The following SH3BGR variants were observed in gnomAD, a reference collection of about 807,000 sequenced individuals.
SH3BGR encodes the protein SH3 domain binding glutamate rich protein.
In SH3BGR, 29 loss-of-function variants were observed where a neutral mutation model predicts 24.5. The ratio of observed to expected loss-of-function variants is 1.18; its 90% CI spans 0.88 to 1.61. The LOEUF is 1.61. Ranked by LOEUF, SH3BGR falls within the 40% of genes most tolerant of loss-of-function variation. The pLI is 0.00. For missense variants in SH3BGR, 162 were observed against 205.8 expected, an observed-to-expected ratio of 0.79 and a Z score of 1.30; for synonymous variants, 55 against 65.7, an observed-to-expected ratio of 0.84 and a Z score of 0.79.
chr21:39,493,277 C>T (rs1441651157), intron 3 of SH3BGR, among the ~76,000 whole-genome samples: 1 of 152,184 alleles, frequency 6.6e-6, no homozygotes, highest in African/African-American at 2.4e-5. Flanking sequence ...CATGATCCAT[C>T]TTGAGTTGAT....
In SH3BGR at chr21:39,511,096, GA is replaced by G. The variant is rs2078684475; in HGVS notation, c.436-583del. Among the ~76,000 whole-genome samples the G allele has an allele frequency of 8.6e-6, 1 of 115,854 alleles. No homozygotes were observed. The highest frequency in any genetic ancestry group is 2.5e-5 in the African/African-American group (1 of 39,898). 76.0% of individuals were successfully genotyped at this position (115,854 alleles called of 152,430 possible). ...TTGAGGACTCTGTGTTTAGAAGGAT[GA>G]TTTTTTTTATGTGTGTGTATGTATG... is the stretch of plus-strand genomic sequence containing the variant. On this transcript the variant is annotated intron_variant, in intron 5 of 6. Coordinates refer to ENST00000333634, the MANE Select transcript of SH3BGR (RefSeq NM_007341.3). This position sits in a 1 kb window ranked among gnomAD's most constrained non-coding sequence, Gnocchi z 4.2.
chr21:39,502,135 T>C (rs2078505467), intron 4 of SH3BGR, among the ~76,000 whole-genome samples: 1 of 152,220 alleles, frequency 6.6e-6, no homozygotes, highest in African/African-American at 2.4e-5. Context: ...ATCGTGCCAC[T>C]GCACTCCAGT....
intron 4 of SH3BGR, among the ~76,000 whole-genome samples, chr21:39,508,087 T>G (rs957557937): frequency 1.2e-4 from 18 of 152,234 alleles, no homozygotes; most frequent in Admixed American, 7.9e-4. Context: ...GTGGCCTCAG[T>G]GTCCTCATCT....
At chr21:39,446,080 A>C (rs889448885) in exon 1 of SH3BGR, 6 of 151,672 alleles carry the variant, frequency 4.0e-5, no homozygotes, top group Non-Finnish European at 7.4e-5. Context: ...TGTCAGTCTT[A>C]GGTAACTTGA....
At chr21:39,478,889 T>G (rs992228669) in intron 3 of SH3BGR, among the ~76,000 whole-genome samples, 7 of 152,148 alleles carry the variant, frequency 4.6e-5, no homozygotes, top group Non-Finnish European at 8.8e-5. Context: ...ATTCTTATTA[T>G]GTAGGTTCAT....
intron 1 of SH3BGR, among the ~76,000 whole-genome samples, chr21:39,455,972 G>C (rs546430231): frequency 6.6e-6 from 1 of 152,168 alleles, no homozygotes; most frequent in Non-Finnish European, 1.5e-5. Context: ...GGATGCAATT[G>C]CCTGTCTTGT....
intron 4 of SH3BGR, among the ~76,000 whole-genome samples, chr21:39,506,585 G>C (rs968514486): frequency 2.6e-5 from 4 of 152,164 alleles, no homozygotes; most frequent in African/African-American, 9.7e-5. Context: ...CTTACATGGT[G>C]GCAAACAAGA....
chr21:39,450,750 G>A (rs965403495), upstream of SH3BGR, among the ~76,000 whole-genome samples: 4 of 152,108 alleles, frequency 2.6e-5, no homozygotes, highest in Non-Finnish European at 5.9e-5. Context: ...TGGCATTTGG[G>A]CTTCTTTGCT....
At position 39,462,922 on chromosome 21, in the gene SH3BGR, C is replaced by T. The variant is rs1343753988; in HGVS notation, c.231+362C>T. Among the ~76,000 whole-genome samples, 5 of 152,308 alleles carry T rather than the reference C, an allele frequency of 3.3e-5. No individual in the cohort carries two copies. In the East Asian group the frequency reaches 7.7e-4, roughly 24 times the overall value. Reference sequence around the variant, plus strand: ...GAGGAACATGGTAAGTTTTCTCTGTCACCCAGGCTGGAGTGTAGTGGTGCA... The same window carrying T: ...GAGGAACATGGTAAGTTTTCTCTGTTACCCAGGCTGGAGTGTAGTGGTGCA... On this transcript the variant is annotated intron_variant, in intron 2 of 6. Coordinates refer to ENST00000333634, the MANE Select transcript of SH3BGR (RefSeq NM_007341.3).
upstream of SH3BGR, among the ~76,000 whole-genome samples, chr21:39,447,618 G>A (rs140608050): frequency 4.0e-3 from 608 of 151,908 alleles, 5 homozygotes; most frequent in African/African-American, 0.014. Flanking sequence ...GGGGTTTTGC[G>A]ATGTTGGCTA....
chr21:39,458,444 T>TTC (rs1402439015), intron 1 of SH3BGR, among the ~76,000 whole-genome samples: 3 of 152,162 alleles, frequency 2.0e-5, no homozygotes, highest in Non-Finnish European at 4.4e-5. Context: ...ATTCAAGCGA[T>TTC]TCTCCTGCCT....
At chr21:39,455,200 G>A (rs774180092) in intron 1 of SH3BGR, among the ~76,000 whole-genome samples, 12 of 152,234 alleles carry the variant, frequency 7.9e-5, no homozygotes, top group Non-Finnish European at 1.5e-4. Context: ...AGCTAACAGT[G>A]TCTGGGTGAC....
At chr21:39,460,332 A>G (rs2077734687) in intron 1 of SH3BGR, among the ~76,000 whole-genome samples, 1 of 151,982 alleles carries the variant, frequency 6.6e-6, no homozygotes, top group African/African-American at 2.4e-5. Context: ...CTCCTGTAAT[A>G]TTTCTAAAGC....
intron 4 of SH3BGR, among the ~76,000 whole-genome samples, chr21:39,501,148 C>G (rs909830539): frequency 6.6e-6 from 1 of 152,118 alleles, no homozygotes; most frequent in Admixed American, 6.6e-5. Flanking sequence ...GCATGAGTTG[C>G]CTAATGCACC....
chr21:39,490,958 C>G (rs1295372857), intron 3 of SH3BGR, among the ~76,000 whole-genome samples: 1 of 152,048 alleles, frequency 6.6e-6, no homozygotes, highest in Non-Finnish European at 1.5e-5. Context: ...TCTCAAACTC[C>G]TAGGCTGTAG....
chr21:39,462,068 C>A (rs1166822081), intron 1 of SH3BGR, among the ~76,000 whole-genome samples: 1 of 151,960 alleles, frequency 6.6e-6, no homozygotes, highest in East Asian at 1.9e-4. Flanking sequence ...AAGCTGGTGT[C>A]GAACCTCTGA....
chr21:39,452,189 T>G (rs766258735), intron 1 of SH3BGR, 48 bp downstream of exon 1: 12 of 1,611,546 alleles, frequency 7.4e-6, no homozygotes, highest in Non-Finnish European at 1.0e-5. Context: ...TCTGAATAAC[T>G]TAGGGTTGGA....
upstream of SH3BGR, among the ~76,000 whole-genome samples, chr21:39,449,841 T>C (rs1253501133): frequency 2.0e-5 from 3 of 152,116 alleles, no homozygotes; most frequent in Non-Finnish European, 4.4e-5. Flanking sequence ...CTTATACAGG[T>C]TAAGGGAGTG....
intron 3 of SH3BGR, among the ~76,000 whole-genome samples, chr21:39,486,961 G>C (rs907154400): frequency 2.0e-5 from 3 of 152,118 alleles, no homozygotes; most frequent in Non-Finnish European, 4.4e-5. Context: ...CAGATAATCT[G>C]CCTGCCTTGG....
Sources: allele counts gnomAD v4.1 joint callset (sites outside exome capture counted in the v4.1 genomes callset), GRCh38; gene constraint gnomAD v4.1.1; non-coding constraint Gnocchi (gnomAD v3.1); transcripts MANE v1.5; gene names NCBI Gene and HGNC (gene_info 2026-07-23, HGNC 2026-07-21).